Variants in ZNF704 observed in about 807,000 individuals in gnomAD.
The protein encoded by ZNF704 is glucocorticoid induced gene 1.
Under a neutral mutation model 44.7 loss-of-function variants are expected in ZNF704, and 10 were observed. The ratio of observed to expected loss-of-function variants is 0.22; its 90% confidence interval spans 0.14 to 0.38. ZNF704 has a LOEUF of 0.38. Ranked by LOEUF, ZNF704 falls within the 10% of genes least tolerant of loss-of-function variation. The pLI is 1.00. For missense variants in ZNF704, 390 were observed against 545.5 expected (o/e 0.71, Z 2.84); for synonymous variants, 211 against 207.6 (o/e 1.02, Z -0.14).
chr8:80,676,814 G>T (rs571559182), intron 4 of ZNF704, among the ~76,000 whole-genome samples: 1 of 152,194 alleles, frequency 6.6e-6, no homozygotes, highest in Admixed American at 6.5e-5. Context: ...TAAGGAGCGC[G>T]CAATCTGGTT....
chr8:80,825,200 C>T (rs977566301), intron 1 of ZNF704, among the ~76,000 whole-genome samples: 1 of 151,638 alleles, frequency 6.6e-6, no homozygotes, highest in Non-Finnish European at 1.5e-5. Context: ...CAGAGACACA[C>T]ATAGGCTCAA....
At chr8:80,716,604 T>C (rs1380753697) in intron 2 of ZNF704, among the ~76,000 whole-genome samples, 1 of 152,238 alleles carries the variant, frequency 6.6e-6, no homozygotes, top group Non-Finnish European at 1.5e-5. Flanking sequence ...ACAGAAAGTT[T>C]TTGGATAGAT....
chr8:80,848,907 G>A (rs1161165925), intron 1 of ZNF704, among the ~76,000 whole-genome samples: 1 of 152,122 alleles, frequency 6.6e-6, no homozygotes, highest in Non-Finnish European at 1.5e-5. Flanking sequence ...TATACTATTA[G>A]TTAAGAGCTA....
At chr8:80,671,145 C>T (rs1232865591) in intron 4 of ZNF704, among the ~76,000 whole-genome samples, 2 of 151,786 alleles carry the variant, frequency 1.3e-5, no homozygotes, top group African/African-American at 4.8e-5. Flanking sequence ...CCTTTTTTTT[C>T]AGAGATGGGT....
chr8:80,844,364 T>C (rs1028702821), intron 1 of ZNF704, among the ~76,000 whole-genome samples: 3 of 152,194 alleles, frequency 2.0e-5, no homozygotes, highest in African/African-American at 4.8e-5. Flanking sequence ...ATCTTCTCGC[T>C]ATGGCCTCAG....
chr8:80,829,924 T>C (rs900246012), intron 1 of ZNF704, among the ~76,000 whole-genome samples: 3 of 152,200 alleles, frequency 2.0e-5, no homozygotes, highest in African/African-American at 7.2e-5. Flanking sequence ...TTGGACACTA[T>C]GAATCATGGG....
intron 2 of ZNF704, among the ~76,000 whole-genome samples, chr8:80,785,737 A>G (rs1228974541): frequency 6.6e-6 from 1 of 152,082 alleles, no homozygotes; most frequent in African/African-American, 2.4e-5. Context: ...TTCTGGTATT[A>G]TAAGATTCTC....
intron 1 of ZNF704, among the ~76,000 whole-genome samples, chr8:80,829,833 T>C (rs1358383364): frequency 6.6e-6 from 1 of 152,106 alleles, no homozygotes; most frequent in Non-Finnish European, 1.5e-5. Context: ...TTAAAGAAAA[T>C]TTAGCCCAGA....
rs114319987 is a variant in ZNF704, at chr8:80,737,275, G to A, written c.222-44168C>T. On this transcript the variant is annotated intron_variant, in intron 2 of 8. Coordinates refer to ENST00000327835, the MANE Select transcript of ZNF704 (RefSeq NM_001033723.3). ...AGTGCTCTGGTTCAAGGTTTCTCAT[G>A]AAGTTTTAGGCAAGCGATGAGCCAG... is the stretch of plus-strand genomic sequence containing the variant. 5.4e-3 allele frequency among the ~76,000 whole-genome samples: 826 copies of A among 152,306 alleles called. 6 individuals carry two copies. Among genetic ancestry groups the A allele is most frequent in the African/African-American group, 0.019 (795 of 41,558 alleles).
intron 1 of ZNF704, among the ~76,000 whole-genome samples, chr8:80,854,864 T>C (rs1474860950): frequency 6.6e-6 from 1 of 152,236 alleles, no homozygotes; most frequent in East Asian, 1.9e-4. Flanking sequence ...TATTTTTAAT[T>C]TTTTTAAAGT....
At chr8:80,647,699 T>C (rs1481851027) in intron 7 of ZNF704, among the ~76,000 whole-genome samples, 1 of 152,130 alleles carries the variant, frequency 6.6e-6, no homozygotes, top group Admixed American at 6.6e-5. Flanking sequence ...GAAAATTGCA[T>C]CTCTAGATGA....
intron 2 of ZNF704, among the ~76,000 whole-genome samples, chr8:80,769,639 G>A (rs1316416755): frequency 6.6e-6 from 1 of 152,120 alleles, no homozygotes; most frequent in Non-Finnish European, 1.5e-5. Flanking sequence ...ATCTCCATCT[G>A]AGACCACCTC....
At chr8:80,665,848 G>C (rs1305151170) in intron 5 of ZNF704, among the ~76,000 whole-genome samples, 3 of 150,610 alleles carry the variant, frequency 2.0e-5, no homozygotes, top group East Asian at 3.9e-4. Context: ...TTTCATGATT[G>C]TAAGTTTCCT....
chr8:80,721,719 TAGTTTATA>T (rs1287885829), intron 2 of ZNF704, among the ~76,000 whole-genome samples: 1 of 152,224 alleles, frequency 6.6e-6, no homozygotes, highest in African/African-American at 2.4e-5. Context: ...TCCTGGCTCA[TAGTTTATA>T]AAACTGTTAC....
intron 4 of ZNF704, among the ~76,000 whole-genome samples, chr8:80,686,028 T>G (rs907907189): frequency 2.6e-5 from 4 of 152,262 alleles, no homozygotes; most frequent in African/African-American, 7.2e-5. Flanking sequence ...TTAAAAATAA[T>G]GCCAAATGTC....
intron 2 of ZNF704, among the ~76,000 whole-genome samples, chr8:80,718,846 C>G (rs1173540388): frequency 6.6e-6 from 1 of 152,230 alleles, no homozygotes; most frequent in Non-Finnish European, 1.5e-5. Flanking sequence ...TTTCCAAGTA[C>G]AGTACACATC....
chr8:80,782,799 C>T (rs1461516556), intron 2 of ZNF704, among the ~76,000 whole-genome samples: 1 of 152,100 alleles, frequency 6.6e-6, no homozygotes, highest in Non-Finnish European at 1.5e-5. Context: ...GCTTCCCACC[C>T]TCAAGGATAC....
intron 5 of ZNF704, 94 bp downstream of exon 5, chr8:80,670,409 C>T (rs530510811): frequency 2.3e-6 from 2 of 887,474 alleles, no homozygotes; most frequent in Admixed American, 1.9e-5. Flanking sequence ...GTGTCCAGAA[C>T]CTTTAAGGCA....
At chr8:80,782,381 C>T (rs1029698735) in intron 2 of ZNF704, among the ~76,000 whole-genome samples, 8 of 152,276 alleles carry the variant, frequency 5.3e-5, no homozygotes, top group East Asian at 1.9e-4. Context: ...CAAGCAGCTG[C>T]GTGATGCAGC....
Sources: allele counts gnomAD v4.1 joint callset (sites outside exome capture counted in the v4.1 genomes callset), GRCh38; gene constraint gnomAD v4.1.1; transcripts MANE v1.5; gene names NCBI Gene and HGNC (gene_info 2026-07-23, HGNC 2026-07-21).